Variants in SH3GL2 observed in about 807,000 individuals in gnomAD.
The protein encoded by SH3GL2 is endophilin-A1.
In SH3GL2, 24 loss-of-function variants were observed where a neutral mutation model predicts 46.0. The ratio of observed to expected loss-of-function variants is 0.52; its 90% CI spans 0.38 to 0.73. SH3GL2 has a LOEUF of 0.73. Among genes scored for constraint, SH3GL2 ranks in the 30% least tolerant of loss-of-function variants. The probability of loss-of-function intolerance (pLI) is 0.00; values close to 1 mark genes in which losing one functional copy is unlikely to be tolerated. For missense variants in SH3GL2, 413 were observed against 424.2 expected (o/e 0.97, Z 0.23); for synonymous variants, 196 against 147.1 (o/e 1.33, Z -2.40).
chr9:17,765,885 A>G (rs971389771), intron 3 of SH3GL2, among the ~76,000 whole-genome samples: 2 of 152,238 alleles, frequency 1.3e-5, no homozygotes, highest in Non-Finnish European at 2.9e-5. Context: ...AGGCACTGGG[A>G]TATTGGAATA....
intron 1 of SH3GL2, among the ~76,000 whole-genome samples, chr9:17,722,380 A>G (rs1415963664): frequency 1.3e-5 from 2 of 152,164 alleles, no homozygotes; most frequent in African/African-American, 4.8e-5. Flanking sequence ...TAATGTCTCA[A>G]TACTCAAGAG....
At chr9:17,666,588 T>A (rs1045942395) in intron 1 of SH3GL2, among the ~76,000 whole-genome samples, 1 of 123,318 alleles carries the variant, frequency 8.1e-6, no homozygotes, top group African/African-American at 2.9e-5. Flanking sequence ...GTATATACAT[T>A]AAGTTTGCTT....
intron 1 of SH3GL2, among the ~76,000 whole-genome samples, chr9:17,588,457 C>G (rs1253218961): frequency 6.6e-6 from 1 of 152,096 alleles, no homozygotes; most frequent in Non-Finnish European, 1.5e-5. Context: ...TTTTCTCTGG[C>G]TGGTAGTGGA....
intron 1 of SH3GL2, among the ~76,000 whole-genome samples, chr9:17,688,553 C>A (rs1820987615): frequency 6.6e-6 from 1 of 151,946 alleles, no homozygotes; most frequent in Admixed American, 6.6e-5. Context: ...TAAAAGGAAC[C>A]AGGGCACCTC....
chr9:17,728,204 T>C (rs748380500), intron 1 of SH3GL2, among the ~76,000 whole-genome samples: 7 of 152,162 alleles, frequency 4.6e-5, no homozygotes, highest in Non-Finnish European at 1.0e-4. Flanking sequence ...CTGACTCTTG[T>C]GGTGCTTAAA....
chr9:17,774,661 T>G (rs893986270), intron 3 of SH3GL2, among the ~76,000 whole-genome samples: 4 of 152,096 alleles, frequency 2.6e-5, no homozygotes, highest in African/African-American at 9.7e-5. Context: ...TCATGGGGTA[T>G]AATTTTTAAA....
At chr9:17,636,591 T>C (rs1819549778) in intron 1 of SH3GL2, among the ~76,000 whole-genome samples, 1 of 152,222 alleles carries the variant, frequency 6.6e-6, no homozygotes, top group Admixed American at 6.5e-5. Context: ...AAATTAGGTA[T>C]CATTTTCTTT....
chr9:17,760,927 A>C (rs553854202), intron 2 of SH3GL2, among the ~76,000 whole-genome samples: 1 of 152,332 alleles, frequency 6.6e-6, no homozygotes, highest in African/African-American at 2.4e-5. Context: ...TCTAGCATCA[A>C]GATTTTTGTT....
chr9:17,755,774 C>G (rs1822970726), intron 2 of SH3GL2: 6 of 984,932 alleles, frequency 6.1e-6, no homozygotes, highest in Non-Finnish European at 7.2e-6. Context: ...CAACGCCACG[C>G]TGTTCACGAG....
At chr9:17,692,986 G>A (rs551112179) in intron 1 of SH3GL2, among the ~76,000 whole-genome samples, 2 of 152,228 alleles carry the variant, frequency 1.3e-5, no homozygotes, top group South Asian at 4.1e-4. Context: ...CAGCTATTCA[G>A]TTACCTCCCC....
chr9:17,643,976 G>A (rs1364420588), intron 1 of SH3GL2, among the ~76,000 whole-genome samples: 2 of 152,132 alleles, frequency 1.3e-5, no homozygotes, highest in African/African-American at 4.8e-5. Flanking sequence ...CTTTTCTTTG[G>A]TTGGTAGGCT....
chr9:17,685,851 C>T (rs963402049), intron 1 of SH3GL2, among the ~76,000 whole-genome samples: 2 of 151,916 alleles, frequency 1.3e-5, no homozygotes, highest in Non-Finnish European at 2.9e-5. Context: ...GTTACTGTAG[C>T]CTTGTAGTAT....
intron 1 of SH3GL2, among the ~76,000 whole-genome samples, chr9:17,661,852 C>G (rs1003687653): frequency 3.3e-5 from 5 of 152,134 alleles, no homozygotes; most frequent in Non-Finnish European, 1.5e-5. Flanking sequence ...TGTAACATAA[C>G]TTAATGAGCC....
intron 3 of SH3GL2, among the ~76,000 whole-genome samples, chr9:17,779,282 A>C (rs1404227532): frequency 2.0e-5 from 3 of 152,154 alleles, no homozygotes; most frequent in African/African-American, 7.2e-5. Context: ...GTTGACCACC[A>C]CTAGTAAAAG....
chr9:17,707,759 C>T (rs1821509494), intron 1 of SH3GL2, among the ~76,000 whole-genome samples: 1 of 152,022 alleles, frequency 6.6e-6, no homozygotes, highest in Admixed American at 6.6e-5. Context: ...CACCTAAATC[C>T]TTATGTCTAA....
intron 1 of SH3GL2, among the ~76,000 whole-genome samples, chr9:17,656,520 A>G (rs1820081136): frequency 6.6e-6 from 1 of 152,140 alleles, no homozygotes; most frequent in Non-Finnish European, 1.5e-5. Flanking sequence ...TGTTGCATTT[A>G]CAATATCACA....
chr9:17,751,989 C>G (rs1822861571), intron 2 of SH3GL2, among the ~76,000 whole-genome samples: 1 of 152,080 alleles, frequency 6.6e-6, no homozygotes, highest in South Asian at 2.1e-4. Flanking sequence ...TAGTTCCAAG[C>G]TTATATTCAT....
intron 1 of SH3GL2, among the ~76,000 whole-genome samples, chr9:17,718,926 C>T (rs1405970124): frequency 6.6e-6 from 1 of 152,046 alleles, no homozygotes; most frequent in Non-Finnish European, 1.5e-5. Context: ...CTGCGTGTGA[C>T]CTTGTATTTA....
chr9:17,611,164 C>T (rs983929242), intron 1 of SH3GL2, among the ~76,000 whole-genome samples: 3 of 151,934 alleles, frequency 2.0e-5, no homozygotes, highest in South Asian at 4.1e-4. Context: ...TAGGAAGTAT[C>T]GATCATTGGT....
Sources: allele counts gnomAD v4.1 joint callset (sites outside exome capture counted in the v4.1 genomes callset), GRCh38; gene constraint gnomAD v4.1.1; transcripts MANE v1.5; gene names NCBI Gene and HGNC (gene_info 2026-07-23, HGNC 2026-07-21).